Variants in MAEL observed in about 807,000 individuals in gnomAD.
The protein encoded by MAEL is protein maelstrom homolog.
MAEL carries 46 observed loss-of-function variants against 62.0 expected under a neutral mutation model. The ratio of observed to expected loss-of-function variants is 0.74; its 90% CI spans 0.59 to 0.95. The LOEUF (loss-of-function observed/expected upper bound fraction) is 0.95, where lower values mean the gene tolerates loss of function less well. MAEL is among the 40% of genes least tolerant of loss of function. The pLI is 0.00. For missense variants in MAEL, 497 were observed against 526.8 expected, an observed-to-expected ratio of 0.94 and a Z score of 0.55; for synonymous variants, 172 against 175.5, an observed-to-expected ratio of 0.98 and a Z score of 0.16.
rs1399981038 is a variant in MAEL, at chr1:166,994,745, C to T, written c.523+676C>T. On this transcript the variant is annotated intron_variant, in intron 5 of 11. Coordinates refer to ENST00000367872, the MANE Select transcript of MAEL (RefSeq NM_032858.3). ...AGTGGAGGGGCGTGATCTTGGCTCACTGCAATCTCTGCCTCCTTGGTTCAA... is the reference window on the plus strand; with the variant it reads ...AGTGGAGGGGCGTGATCTTGGCTCATTGCAATCTCTGCCTCCTTGGTTCAA... 2.7e-5 allele frequency among the ~76,000 whole-genome samples: 4 copies of T among 148,280 alleles called. No individual in the cohort carries two copies. In the East Asian group the frequency reaches 8.0e-4, roughly 30 times the overall value.
intron 8 of MAEL, among the ~76,000 whole-genome samples, chr1:167,006,632 TA>T (rs1557982538): frequency 4.4e-4 from 40 of 90,894 alleles, no homozygotes; most frequent in African/African-American, 1.4e-3. Context: ...TATATATATA[TA>T]TATACATTTT....
chr1:166,999,019 G>A (rs1431843273), intron 5 of MAEL, among the ~76,000 whole-genome samples: 1 of 151,848 alleles, frequency 6.6e-6, no homozygotes, highest in Non-Finnish European at 1.5e-5. Context: ...CCCCTGACTG[G>A]CCATTGCCTC....
chr1:167,005,138 A>G lies in MAEL; in HGVS notation c.703+8A>G. On this transcript the variant is annotated splice_region_variant and intron_variant, in intron 7 of 11. Transcript: ENST00000367872. ...ATATGGCAAAGGCATCAGGTAAGTA[A>G]AACTCTGGGTTGCTGCAGAAGTGCT... 1 of 1,613,544 alleles carries G rather than the reference A, an allele frequency of 6.2e-7. No individual in the cohort carries two copies. Among genetic ancestry groups the G allele is most frequent in the Non-Finnish European group, 8.5e-7 (1 of 1,179,708 alleles).
chr1:166,977,459 A>C (rs1663627153), intron 1 of MAEL, among the ~76,000 whole-genome samples: 1 of 152,186 alleles, frequency 6.6e-6, no homozygotes, highest in South Asian at 2.1e-4. Context: ...AACTTCTCTA[A>C]GATCAGGCAA....
chr1:167,020,720 A>G (rs750798772), intron 10 of MAEL, among the ~76,000 whole-genome samples: 39 of 152,114 alleles, frequency 2.6e-4, no homozygotes, highest in Admixed American at 2.4e-3. Context: ...CTGTGTTCCT[A>G]TCTAAAACCA....
At chr1:166,991,616 A>G in intron 3 of MAEL, 139 bp downstream of exon 3, 2 of 554,510 alleles carry the variant, frequency 3.6e-6, no homozygotes, top group East Asian at 5.8e-5. Context: ...TGTGGTACTG[A>G]CATTATAAAA....
chr1:167,002,772 A>G (rs1664731725), intron 5 of MAEL, among the ~76,000 whole-genome samples: 1 of 152,246 alleles, frequency 6.6e-6, no homozygotes, highest in Admixed American at 6.5e-5. Context: ...CCAGAAGACA[A>G]TGGAATATTT....
chr1:167,016,417 A>T, intron 9 of MAEL, 133 bp downstream of exon 9: 1 of 748,206 alleles, frequency 1.3e-6, no homozygotes, highest in South Asian at 1.6e-5. Context: ...AAGGGGGTCA[A>T]ATCAAAACTA....
At chr1:167,020,966 G>C in intron 10 of MAEL, 119 bp from the exon 11 acceptor site, 1 of 770,268 alleles carries the variant, frequency 1.3e-6, no homozygotes, top group Non-Finnish European at 2.2e-6. Flanking sequence ...TAAGACATTG[G>C]AAAAGTATTT....
chr1:166,991,838 G>A (rs1288913377), intron 3 of MAEL, among the ~76,000 whole-genome samples: 2 of 152,144 alleles, frequency 1.3e-5, no homozygotes, highest in Non-Finnish European at 2.9e-5. Flanking sequence ...CTACGTTAAT[G>A]TATGTTTCAA....
At position 167,020,022 on chromosome 1, in the gene MAEL, A is replaced by G. The variant is rs1004184551; in HGVS notation, c.1042-1063A>G. On this transcript the variant is annotated intron_variant, in intron 10 of 11. Transcript: ENST00000367872. Reference sequence around the variant, plus strand: ...CTCCTTCATAATCTCAATTTCAAACATCCCCCTCTCAGACTACCACCATCT... The same window carrying G: ...CTCCTTCATAATCTCAATTTCAAACGTCCCCCTCTCAGACTACCACCATCT... Among the ~76,000 whole-genome samples the G allele has an allele frequency of 3.3e-5, 5 of 152,266 alleles. No individual in the cohort carries two copies. The South Asian group carries it at 1.0e-3, about 32-fold the overall frequency.
At chr1:167,006,624 TATATATATATATACA>T (rs1481277207) in intron 8 of MAEL, among the ~76,000 whole-genome samples, 13,884 of 98,732 alleles carry the variant, frequency 0.14, 1,032 homozygotes, top group Non-Finnish European at 0.18. Flanking sequence ...TATATATATA[TATATATATATATACA>T]TTTTTTTTTT....
At chr1:166,976,227 T>C (rs1328489457) in intron 1 of MAEL, among the ~76,000 whole-genome samples, 3 of 152,222 alleles carry the variant, frequency 2.0e-5, no homozygotes, top group African/African-American at 4.8e-5. Context: ...CGCATTCACA[T>C]GGATTATTCC....
chr1:167,002,480 A>T (rs1188109598), intron 5 of MAEL, among the ~76,000 whole-genome samples: 2 of 152,170 alleles, frequency 1.3e-5, no homozygotes, highest in Non-Finnish European at 2.9e-5. Flanking sequence ...GAATCTCTTC[A>T]TATGTCTAGT....
chr1:166,984,929 G>T (rs1272073973), upstream of MAEL, among the ~76,000 whole-genome samples: 1 of 152,142 alleles, frequency 6.6e-6, no homozygotes, highest in East Asian at 1.9e-4. Context: ...TCTAGATATG[G>T]TTTTAAAAAT....
chr1:166,984,427 AAAGTAT>A (rs1041062350), upstream of MAEL, among the ~76,000 whole-genome samples: 4 of 152,242 alleles, frequency 2.6e-5, no homozygotes, highest in Admixed American at 2.6e-4. Flanking sequence ...TCACCACAAA[AAAGTAT>A]AAGTATGTGA....
At chr1:166,985,102 G>C (rs1054927119), upstream of MAEL, among the ~76,000 whole-genome samples, 1 of 152,184 alleles carries the variant, frequency 6.6e-6, no homozygotes, top group Non-Finnish European at 1.5e-5. Flanking sequence ...GGGGAGTAGA[G>C]ATGAGTAACC....
chr1:166,998,009 G>A (rs1300323398), intron 5 of MAEL, among the ~76,000 whole-genome samples: 2 of 152,132 alleles, frequency 1.3e-5, no homozygotes, highest in African/African-American at 2.4e-5. Context: ...TTCTGTTTGT[G>A]TGTAGGAGGA....
At chr1:167,012,084 A>C (rs76494882) in intron 8 of MAEL, among the ~76,000 whole-genome samples, 252 of 152,304 alleles carry the variant, frequency 1.7e-3, no homozygotes, top group African/African-American at 5.9e-3. Flanking sequence ...CAAATGTATG[A>C]TATTTTACAA....
Sources: allele counts gnomAD v4.1 joint callset (sites outside exome capture counted in the v4.1 genomes callset), GRCh38; gene constraint gnomAD v4.1.1; transcripts MANE v1.5; gene names NCBI Gene and HGNC (gene_info 2026-07-23, HGNC 2026-07-21).